Variants in SLC44A1 observed in about 807,000 individuals in gnomAD.
SLC44A1 encodes solute carrier family 44 member 1, also known as choline transporter-like protein 1.
SLC44A1 carries 26 observed loss-of-function variants against 79.3 expected under a neutral mutation model. The ratio of observed to expected loss-of-function variants is 0.33; its 90% CI spans 0.24 to 0.46. SLC44A1 has a LOEUF of 0.46. Ranked by LOEUF, SLC44A1 falls within the 20% of genes least tolerant of loss-of-function variation. SLC44A1 has a pLI of 1.00. For missense variants in SLC44A1, 688 were observed against 798.1 expected (o/e 0.86, Z 1.66); for synonymous variants, 263 against 286.2 (o/e 0.92, Z 0.82).
chr9:105,342,768 C>T (rs1827135958), intron 4 of SLC44A1, among the ~76,000 whole-genome samples: 1 of 152,108 alleles, frequency 6.6e-6, no homozygotes, highest in African/African-American at 2.4e-5. Flanking sequence ...CTATTGTATG[C>T]CATGGACTGC....
At chr9:105,266,797 C>T (rs1412435358) in intron 1 of SLC44A1, among the ~76,000 whole-genome samples, 2 of 152,102 alleles carry the variant, frequency 1.3e-5, no homozygotes, top group East Asian at 3.8e-4. Context: ...AGTTCTTTTG[C>T]CTTCCCCTAT....
rs751542634 is a variant in SLC44A1, at chr9:105,361,323, T to C, written c.893T>C (p.Val298Ala). ...CTCATTTATGCCATTTCAGCTACAG[T>C]GTTCACAGTGAGTTTAGGCTTTGGC... is the stretch of plus-strand genomic sequence containing the variant. ...ALLIYAISAT[V>A]FTVILFLIML... The change falls in exon 8 of 16, where the codon GTG (valine) becomes GCG (alanine). Residue 298 changes from valine to alanine, a missense_variant. Physicochemically the swap from Val to Ala is moderately conservative, Grantham distance 64. Transcript: ENST00000374720. The C allele has an allele frequency of 1.2e-6, 2 of 1,603,374 alleles. No homozygotes were observed. Among genetic ancestry groups the C allele is most frequent in the East Asian group, 2.2e-5 (1 of 44,786 alleles).
At chr9:105,331,033 GT>G (rs1310101673) in intron 3 of SLC44A1, among the ~76,000 whole-genome samples, 4 of 152,128 alleles carry the variant, frequency 2.6e-5, no homozygotes, top group African/African-American at 9.7e-5. Flanking sequence ...TGTTTATAGA[GT>G]ATTTTTCTGT....
intron 11 of SLC44A1, among the ~76,000 whole-genome samples, 195 bp downstream of exon 11, chr9:105,365,834 G>A (rs531400544): frequency 2.6e-5 from 4 of 152,282 alleles, no homozygotes; most frequent in African/African-American, 9.6e-5. Flanking sequence ...CCAGTCACTA[G>A]TAACTAAAAG....
chr9:105,361,677 A>G (rs547365998), intron 8 of SLC44A1, among the ~76,000 whole-genome samples: 1 of 152,350 alleles, frequency 6.6e-6, no homozygotes, highest in Non-Finnish European at 1.5e-5. Context: ...GTTAAAAAAT[A>G]TATCATTCCA....
chr9:105,380,900 A>G (rs1007645012), intron 13 of SLC44A1, among the ~76,000 whole-genome samples: 2 of 152,186 alleles, frequency 1.3e-5, no homozygotes, highest in African/African-American at 4.8e-5. Flanking sequence ...TAGCCTTTCT[A>G]CAGTTTGAGA....
At chr9:105,431,638 T>C (rs1829399194) in intron 15 of SLC44A1, among the ~76,000 whole-genome samples, 2 of 152,158 alleles carry the variant, frequency 1.3e-5, no homozygotes, top group Non-Finnish European at 2.9e-5. Flanking sequence ...GTACCTCTGA[T>C]CAGCTCCAAG....
In SLC44A1 at chr9:105,432,876, A is replaced by C. The variant is rs539469970; in HGVS notation, c.1951-5405A>C. On this transcript the variant is annotated intron_variant, in intron 15 of 15. Coordinates refer to the SLC44A1 transcript ENST00000374724. The stretch of plus-strand genomic sequence containing the variant: ...GTTTGAGGCTTCCATTTGACACTGT[A>C]AAAAATAAGAACTTCAGTTCATCAA... Among the ~76,000 whole-genome samples, 567 of 152,286 alleles carry C rather than the reference A, an allele frequency of 3.7e-3. 2 individuals carry two copies. The highest frequency in any genetic ancestry group is 0.013 in the African/African-American group (544 of 41,566).
chr9:105,287,407 G>A (rs777376316), intron 1 of SLC44A1, among the ~76,000 whole-genome samples: 9 of 152,174 alleles, frequency 5.9e-5, no homozygotes, highest in Middle Eastern at 3.4e-3. Flanking sequence ...GTACTCATTC[G>A]TTGCTTCTGG....
chr9:105,401,930 G>A (rs1683830266), downstream of SLC44A1, among the ~76,000 whole-genome samples: 1 of 152,192 alleles, frequency 6.6e-6, no homozygotes, highest in South Asian at 2.1e-4. Flanking sequence ...ACAGGAAGGT[G>A]TTGAGGTCAT....
intron 1 of SLC44A1, among the ~76,000 whole-genome samples, chr9:105,272,478 C>T (rs1243834843): frequency 3.3e-5 from 5 of 151,466 alleles, no homozygotes; most frequent in Middle Eastern, 3.2e-3. Context: ...CAGAGAACTG[C>T]GTGTGTCCCT....
chr9:105,320,003 C>G (rs1826336568), intron 3 of SLC44A1, among the ~76,000 whole-genome samples: 1 of 152,228 alleles, frequency 6.6e-6, no homozygotes, highest in Non-Finnish European at 1.5e-5. Context: ...CCTTGTGCCC[C>G]TTTGTAGTCA....
At position 105,390,841 on chromosome 9, in the gene SLC44A1, T is replaced by C. The variant is rs1828747741; in HGVS notation, c.*1785T>C. On this transcript the variant is annotated 3_prime_UTR_variant, in exon 16 of 16. Transcript: ENST00000374720. Reference sequence around the variant, plus strand: ...TTAGCAAGATCTGGGAAACCAACATTGCGAGAGTAGCTATTTTGAAAGAAT... The same window carrying C: ...TTAGCAAGATCTGGGAAACCAACATCGCGAGAGTAGCTATTTTGAAAGAAT... 1.0e-5 allele frequency: 10 copies of C among 985,728 alleles called. No homozygotes were observed. Among genetic ancestry groups the C allele is most frequent in the Non-Finnish European group, 1.1e-5 (9 of 829,898 alleles). 61.1% of individuals were successfully genotyped at this position (985,728 alleles called of 1,614,324 possible).
chr9:105,321,303 A>C (rs899347932), intron 3 of SLC44A1, among the ~76,000 whole-genome samples: 1 of 152,228 alleles, frequency 6.6e-6, no homozygotes, highest in Admixed American at 6.5e-5. Context: ...CAGTTATTCC[A>C]GAAGCATTTA....
chr9:105,280,369 T>C (rs938256010), intron 1 of SLC44A1, among the ~76,000 whole-genome samples: 2 of 152,160 alleles, frequency 1.3e-5, no homozygotes, highest in African/African-American at 4.8e-5. Context: ...CTGTAAAGTG[T>C]AGGATTAAAT....
In SLC44A1 at chr9:105,389,800, T is replaced by C; in HGVS notation, c.*744T>C. On this transcript the variant is annotated 3_prime_UTR_variant, in exon 16 of 16. Coordinates refer to ENST00000374720, the MANE Select transcript of SLC44A1 (RefSeq NM_080546.5). Reference sequence around the variant, plus strand: ...CCCTTATATTTTGTCTTTCTTTCCTTTTTGACTTTAGTAGCATCCTCCACA... The same window carrying C: ...CCCTTATATTTTGTCTTTCTTTCCTCTTTGACTTTAGTAGCATCCTCCACA... 1 of 1,341,344 alleles carries C rather than the reference T, an allele frequency of 7.5e-7. No individual in the cohort carries two copies. The highest frequency in any genetic ancestry group is 1.5e-5 in the African/African-American group (1 of 66,778). 83.1% of individuals were successfully genotyped at this position (1,341,344 alleles called of 1,614,324 possible).
At chr9:105,425,765 G>C (rs1829314555) in intron 15 of SLC44A1, among the ~76,000 whole-genome samples, 1 of 152,208 alleles carries the variant, frequency 6.6e-6, no homozygotes, top group African/African-American at 2.4e-5. Flanking sequence ...AGAGGTTGCA[G>C]TGAGCCGAGA....
intron 15 of SLC44A1, among the ~76,000 whole-genome samples, chr9:105,433,784 A>G (rs557156262): frequency 2.0e-5 from 3 of 152,292 alleles, no homozygotes; most frequent in South Asian, 4.2e-4. Flanking sequence ...TTCTCTAGCT[A>G]GAAAGTCCAA....
Position 105,299,271 on chromosome 9 carries a change from C to A in SLC44A1, c.88C>A (p.Pro30Thr). Residue 30 changes from proline (P) to threonine (T), a missense_variant, in exon 2 of 16, where the codon CCA becomes ACA. By Grantham distance (38) the Pro-to-Thr change is conservative. Coordinates refer to ENST00000374720, the MANE Select transcript of SLC44A1 (RefSeq NM_080546.5). ...GGAGGACCGTAGCTGCACAGACATA[C>A]CATGGCTGCTGCTCTTCATCCTCTT... is the stretch of plus-strand genomic sequence containing the variant. ...PLEDRSCTDI[P>T]WLLLFILFCI... 1 of 1,597,288 alleles carries A rather than the reference C, an allele frequency of 6.3e-7. No homozygotes were observed. The highest frequency in any genetic ancestry group is 8.5e-7 in the Non-Finnish European group (1 of 1,174,428).
Sources: gnomAD v4.1 joint callset for allele counts (sites outside exome capture counted in the v4.1 genomes callset) on GRCh38, gnomAD v4.1.1 for gene constraint, MANE v1.5 for transcripts, NCBI Gene and HGNC (gene_info 2026-07-23, HGNC 2026-07-21) for gene names.